Variants in COG7 observed in about 807,000 individuals in gnomAD.
COG7 encodes the protein conserved oligomeric Golgi complex subunit 7.
A neutral mutation model predicts 91.5 loss-of-function variants in COG7; 49 were observed. The observed-to-expected ratio is 0.54, with a 90% confidence interval of 0.43 to 0.68. The LOEUF is 0.68. Among genes scored for constraint, COG7 ranks in the 30% least tolerant of loss-of-function variants. The probability of loss-of-function intolerance (pLI) is 0.00; values close to 1 mark genes in which losing one functional copy is unlikely to be tolerated. For missense variants in COG7, 895 were observed against 961.3 expected (o/e 0.93, Z 0.91); for synonymous variants, 365 against 388.7 (o/e 0.94, Z 0.72).
At chr16:23,436,605 C>T (rs1323679254) in intron 4 of COG7, among the ~76,000 whole-genome samples, 2 of 151,986 alleles carry the variant, frequency 1.3e-5, no homozygotes, top group African/African-American at 4.8e-5. Flanking sequence ...CGTGGTGGTG[C>T]ATGCCTGTAA....
At chr16:23,406,334 G>T in intron 11 of COG7, 72 bp from the exon 12 acceptor site, 2 of 1,288,882 alleles carry the variant, frequency 1.6e-6, no homozygotes, top group Non-Finnish European at 2.2e-6. Context: ...CAGTCAGATT[G>T]CTCCTTACTA....
chr16:23,393,934 G>A (rs1257335305), intron 14 of COG7, among the ~76,000 whole-genome samples: 1 of 151,890 alleles, frequency 6.6e-6, no homozygotes, highest in Non-Finnish European at 1.5e-5. Flanking sequence ...CCAGCTACTC[G>A]GGAGGCTGAG....
chr16:23,430,990 C>A (rs999688675), intron 6 of COG7, among the ~76,000 whole-genome samples: 2 of 151,302 alleles, frequency 1.3e-5, no homozygotes, highest in Admixed American at 1.3e-4. Flanking sequence ...ATAGTGAGAC[C>A]CCATCTCTGT....
intron 6 of COG7, among the ~76,000 whole-genome samples, chr16:23,428,974 T>G (rs1359065597): frequency 6.6e-6 from 1 of 151,990 alleles, no homozygotes; most frequent in Non-Finnish European, 1.5e-5. Flanking sequence ...ATTACAGGCA[T>G]GAGCCACCAC....
At chr16:23,395,488 C>G (rs1963271841) in intron 14 of COG7, among the ~76,000 whole-genome samples, 1 of 152,210 alleles carries the variant, frequency 6.6e-6, no homozygotes, top group Admixed American at 6.5e-5. Context: ...TTTTAAATTT[C>G]AAAGCATTTT....
At chr16:23,392,792 G>A (rs1355156310) in intron 15 of COG7, among the ~76,000 whole-genome samples, 2 of 152,138 alleles carry the variant, frequency 1.3e-5, no homozygotes, top group Non-Finnish European at 2.9e-5. Flanking sequence ...TTAGCCAGGC[G>A]TGGTGGTGCG....
chr16:23,397,534 A>G (rs1157132729), intron 14 of COG7, among the ~76,000 whole-genome samples: 1 of 152,148 alleles, frequency 6.6e-6, no homozygotes, highest in Non-Finnish European at 1.5e-5. Context: ...ATTCCCCTGC[A>G]TGGTTTATTC....
intron 7 of COG7, among the ~76,000 whole-genome samples, chr16:23,421,832 C>T (rs1596935184): frequency 8.2e-6 from 1 of 122,426 alleles, no homozygotes; most frequent in Non-Finnish European, 1.6e-5. Context: ...GCCTGGGCAA[C>T]AGAGTGAGAC....
At chr16:23,418,395 C>T (rs927761128) in intron 8 of COG7, among the ~76,000 whole-genome samples, 7 of 152,070 alleles carry the variant, frequency 4.6e-5, no homozygotes, top group Admixed American at 2.0e-4. Context: ...GTCCCAGCTA[C>T]TCAGGAGGCT....
intron 4 of COG7, among the ~76,000 whole-genome samples, chr16:23,442,264 G>A (rs1033196725): frequency 2.0e-5 from 3 of 151,290 alleles, no homozygotes; most frequent in Non-Finnish European, 4.4e-5. Context: ...AACCCAGGAG[G>A]TGGAGGTTGC....
chr16:23,426,287 T>C (rs140967440), intron 6 of COG7, among the ~76,000 whole-genome samples: 1 of 152,258 alleles, frequency 6.6e-6, no homozygotes, highest in Non-Finnish European at 1.5e-5. Flanking sequence ...GTAAACATCT[T>C]CAAGAAAACA....
chr16:23,402,607 C>T (rs929222724), intron 13 of COG7, among the ~76,000 whole-genome samples: 21 of 152,182 alleles, frequency 1.4e-4, no homozygotes, highest in Non-Finnish European at 2.2e-4. Context: ...CGGAGGCTCA[C>T]GGAGGAAGGA....
At chr16:23,436,455 C>T (rs749173131) in intron 4 of COG7, among the ~76,000 whole-genome samples, 11 of 152,004 alleles carry the variant, frequency 7.2e-5, no homozygotes, top group Non-Finnish European at 8.8e-5. Context: ...TTAGCTAGGC[C>T]GGGTGAGGTG....
chr16:23,425,193 C>T (rs1054329978), intron 6 of COG7, among the ~76,000 whole-genome samples: 6 of 152,136 alleles, frequency 3.9e-5, no homozygotes, highest in African/African-American at 1.4e-4. Flanking sequence ...GCCTGTAATC[C>T]CACCTATTCG....
rs1390347001 is a variant in COG7 at position 23,431,556 on chromosome 16, T to C, written c.810+1989A>G. Among the ~76,000 whole-genome samples the C allele has an allele frequency of 2.6e-5, 4 of 152,170 alleles. No individual in the cohort carries two copies. In the East Asian group the frequency reaches 7.7e-4, roughly 29 times the overall value. ...CGGGCACAGTGGCTCATGCCTGTAA[T>C]CCCAGCACTTTGGGAGGTCGAGGTG... is the stretch of plus-strand genomic sequence containing the variant. On this transcript the variant is annotated intron_variant, in intron 6 of 16. Coordinates refer to ENST00000307149, the MANE Select transcript of COG7 (RefSeq NM_153603.4).
intron 12 of COG7, among the ~76,000 whole-genome samples, chr16:23,404,357 T>C (rs1963425506): frequency 6.6e-6 from 1 of 152,226 alleles, no homozygotes; most frequent in Admixed American, 6.5e-5. Flanking sequence ...AAGTGTAACC[T>C]TAGTTTTGTT....
At chr16:23,410,255 G>A (rs1284001029) in intron 11 of COG7, 40 bp downstream of exon 11, 12 of 1,572,070 alleles carry the variant, frequency 7.6e-6, no homozygotes, top group Non-Finnish European at 7.0e-6. Context: ...TGCTGATCAG[G>A]AACCCCAGGG....
At position 23,406,279 on chromosome 16, in the gene COG7, G is replaced by C. The variant is rs771457294; in HGVS notation, c.1476-17C>G. 5 of 1,606,344 alleles carry C rather than the reference G, an allele frequency of 3.1e-6. No homozygotes were observed. The highest frequency in any genetic ancestry group is 8.5e-7 in the Non-Finnish European group (1 of 1,173,306). ...GACAAAATCCTGTAATGAAAGGAAT[G>C]ACCATTATGCCCTGAGCTATTTGCA... is the stretch of plus-strand genomic sequence containing the variant. On this transcript the variant is annotated splice_polypyrimidine_tract_variant and intron_variant, in intron 11 of 16. Coordinates refer to ENST00000307149, the MANE Select transcript of COG7 (RefSeq NM_153603.4).
Position 23,417,099 on chromosome 16 carries a change from C to T in COG7, c.1160G>A (p.Cys387Tyr). The stretch of plus-strand genomic sequence containing the variant: ...CACGGAGTGGCTCAGCTCCTGCACA[C>T]AGTCAATCACTTCCCCATGCTCCTG... ...VPLEHGEVIDCVQELSHSVNK... is the reference protein window; with the variant it reads ...VPLEHGEVIDYVQELSHSVNK... The change falls in exon 9 of 17, where the codon TGT (cysteine) becomes TAT (tyrosine). Residue 387 changes from cysteine to tyrosine, a missense_variant. By Grantham distance (194) the Cys-to-Tyr change is radical (BLOSUM62 -2). Transcript: ENST00000307149. 6.2e-7 allele frequency: 1 copy of T among 1,614,242 alleles called. No individual in the cohort carries two copies. Among genetic ancestry groups the T allele is most frequent in the Non-Finnish European group, 8.5e-7 (1 of 1,180,046 alleles).
Sources: allele counts gnomAD v4.1 joint callset (sites outside exome capture counted in the v4.1 genomes callset), GRCh38; gene constraint gnomAD v4.1.1; transcripts MANE v1.5; gene names NCBI Gene and HGNC (gene_info 2026-07-23, HGNC 2026-07-21).